Variants in HDAC7 observed in about 807,000 individuals in gnomAD.
HDAC7 encodes the protein histone deacetylase 7A.
In HDAC7, 26 loss-of-function variants were observed where a neutral mutation model predicts 115.5. The ratio of observed to expected loss-of-function variants is 0.23; its 90% CI spans 0.16 to 0.31. The LOEUF (loss-of-function observed/expected upper bound fraction) is 0.31. Among genes scored for constraint, HDAC7 ranks in the 10% least tolerant of loss-of-function variants. The probability of loss-of-function intolerance (pLI) is 1.00; values close to 1 mark genes in which losing one functional copy is unlikely to be tolerated. For synonymous variants in HDAC7, 564 were observed against 550.9 expected, an observed-to-expected ratio of 1.02 and a Z score of -0.33; for missense variants, 1,068 against 1,329.0, an observed-to-expected ratio of 0.80 and a Z score of 3.05.
Position 47,783,449 on chromosome 12 carries a change from A to T in HDAC7, c.*392T>A. 4.3e-6 allele frequency: 1 copy of T among 234,502 alleles called. No individual in the cohort carries two copies. The highest frequency in any genetic ancestry group is 6.3e-5 in the South Asian group (1 of 15,878). The allele number at this position is 234,502 out of a possible 1,614,324, so 14.5% of individuals were successfully genotyped here. A position where few individuals can be genotyped will look rare whatever the true frequency, so the allele number is the denominator to read the frequency against. On this transcript the variant is annotated 3_prime_UTR_variant, in exon 26 of 26. Coordinates refer to ENST00000080059, the MANE Select transcript of HDAC7 (RefSeq NM_015401.5). The stretch of plus-strand genomic sequence containing the variant: ...AGGCCAAGTTCACATTTCTGTGTGG[A>T]GCCTGAGGCTGTGTGCAAAGTCTGG...
Position 47,783,880 on chromosome 12 carries a change from C to T in HDAC7, c.2937G>A (p.Ser979=), listed in dbSNP as rs78089666. 5.7e-4 allele frequency: 915 copies of T among 1,612,498 alleles called. 4 individuals carry two copies. The African/African-American group carries it at 0.011, about 19-fold the overall frequency. ...SVGILAEDRP[S]EQLVEEEEPM... ...GTTCTTCCTCCTCCACCAGCTGCTC[C>T]GAGGGCCTGTGGGGAGGGACAAGGG... Residue 979 remains serine (S), a synonymous_variant, in exon 26 of 26, where the codon TCG becomes TCA. Coordinates refer to ENST00000080059, the MANE Select transcript of HDAC7 (RefSeq NM_015401.5).
At chr12:47,821,154 G>A (rs1945012566), upstream of HDAC7, among the ~76,000 whole-genome samples, 1 of 152,140 alleles carries the variant, frequency 6.6e-6, no homozygotes, top group African/African-American at 2.4e-5. Flanking sequence ...GAAACCCCAA[G>A]AATCCAGAGA....
At chr12:47,812,408 TTAA>T (rs369092982) in intron 1 of HDAC7, among the ~76,000 whole-genome samples, 99 of 152,322 alleles carry the variant, frequency 6.5e-4, no homozygotes, top group African/African-American at 2.4e-3. Context: ...AACAATAACA[TTAA>T]TAATGATGAT....
In HDAC7 at chr12:47,798,456, G is replaced by T; in HGVS notation, c.349+106C>A. 1 of 1,031,850 alleles carries T rather than the reference G, an allele frequency of 9.7e-7. No individual in the cohort carries two copies. The highest frequency in any genetic ancestry group is 1.5e-6 in the Non-Finnish European group (1 of 675,328). The allele number at this position is 1,031,850 out of a possible 1,614,324, so 63.9% of individuals were successfully genotyped here. A position where few individuals can be genotyped will look rare whatever the true frequency, so the allele number is the denominator to read the frequency against. On this transcript the variant is annotated intron_variant, in intron 4 of 25. Coordinates refer to ENST00000080059, the MANE Select transcript of HDAC7 (RefSeq NM_015401.5). This position sits in a 1 kb window ranked among gnomAD's most constrained non-coding sequence, Gnocchi z 4.3. ...AAGCAGAGGGAAAGCCTCGGCTCAG[G>T]CCCAGCTGGCTGCGGCCCTCCCACC...
intron 1 of HDAC7, chr12:47,813,003 C>G (rs1232363711): frequency 6.6e-6 from 1 of 152,242 alleles, no homozygotes; most frequent in Admixed American, 6.5e-5. Flanking sequence ...GGTGCTGCGC[C>G]AGCACCTCCT....
intron 1 of HDAC7, among the ~76,000 whole-genome samples, chr12:47,818,232 C>T (rs1944905527): frequency 6.6e-6 from 1 of 152,236 alleles, no homozygotes; most frequent in African/African-American, 2.4e-5. Context: ...GCACCAGGAC[C>T]ATTCCAGGTG....
At chr12:47,819,187 C>T (rs1944940517) in intron 1 of HDAC7, 1 of 152,382 alleles carries the variant, frequency 6.6e-6, no homozygotes, top group African/African-American at 2.4e-5. Context: ...GAGAAACCTC[C>T]CAGCCAGAGA....
chr12:47,792,973 G>A (rs1293374705), intron 13 of HDAC7: 5 of 270,938 alleles, frequency 1.8e-5, no homozygotes, highest in African/African-American at 4.4e-5. Flanking sequence ...TGGGTGGTGG[G>A]ATACTGGTTG....
chr12:47,791,133 C>T, intron 16 of HDAC7, 126 bp downstream of exon 16: 2 of 945,650 alleles, frequency 2.1e-6, no homozygotes, highest in South Asian at 1.4e-5. Flanking sequence ...CAGGAAGTCC[C>T]TGGCTCACCC....
rs779766353 is a variant in HDAC7, at chr12:47,798,595, G to C, written c.316C>G (p.Arg106Gly). Reference sequence around the variant, plus strand: ...CTCTTGTCCTTGTGGAGAAGCTGCCGCAGCTCTTGTTCCTGGGGTCCCACC... The same window carrying C: ...CTCTTGTCCTTGTGGAGAAGCTGCCCCAGCTCTTGTTCCTGGGGTCCCACC... Reference protein sequence around the residue: ...LQVGPQEQELRQLLHKDKSKR... With the variant: ...LQVGPQEQELGQLLHKDKSKR... Residue 106 changes from arginine to glycine, a missense_variant, in exon 4 of 26, where the codon CGG becomes GGG. Physicochemically the swap from Arg to Gly is moderately radical, Grantham distance 125. Around this residue, in one of 6 missense-constraint regions of HDAC7, gnomAD observed 161 missense variants for 158.5 expected, o/e 1.02. Coordinates refer to ENST00000080059, the MANE Select transcript of HDAC7 (RefSeq NM_015401.5). The surrounding 1 kb of genome is among the most constrained non-coding windows in gnomAD (Gnocchi z 4.3). The C allele has an allele frequency of 1.4e-5, 22 of 1,613,904 alleles. No individual in the cohort carries two copies. The highest frequency in any genetic ancestry group is 1.9e-5 in the Non-Finnish European group (22 of 1,179,938).
chr12:47,800,228 A>G (rs1049506108), intron 2 of HDAC7, among the ~76,000 whole-genome samples: 1 of 152,146 alleles, frequency 6.6e-6, no homozygotes, highest in African/African-American at 2.4e-5. Flanking sequence ...TCGGAGGTGA[A>G]GGGCCCTGTC....
rs1190498488 is a variant in HDAC7, at chr12:47,802,589, G to A, written c.20-315C>T. ...CAGTGCCCTCAGCCCTCCCTCCTGTGGTCAGATACAATCTTCCCTGGGCAG... is the reference window on the plus strand; with the variant it reads ...CAGTGCCCTCAGCCCTCCCTCCTGTAGTCAGATACAATCTTCCCTGGGCAG... On this transcript the variant is annotated intron_variant, in intron 1 of 25. Coordinates refer to ENST00000080059, the MANE Select transcript of HDAC7 (RefSeq NM_015401.5). The A allele has an allele frequency of 1.1e-5, 11 of 979,060 alleles. No homozygotes were observed. The Admixed American group carries it at 1.9e-4, about 17-fold the overall frequency. 60.6% of individuals were successfully genotyped at this position (979,060 alleles called of 1,614,324 possible).
chr12:47,790,227 G>A (rs1425503411), intron 16 of HDAC7: 5 of 366,436 alleles, frequency 1.4e-5, no homozygotes, highest in African/African-American at 1.0e-4. Context: ...TTGGGGTTTG[G>A]GCCGGGAGGG....
In HDAC7 at chr12:47,791,892, C is replaced by G. The variant is rs1943548496; in HGVS notation, c.1791G>C (p.Arg597=). The change falls in exon 14 of 26, where the codon CGG becomes CGC. Residue 597 remains arginine, a synonymous_variant. Transcript: ENST00000080059. ...IQSIWSRLQE[R]GLRSQCECLR... The stretch of plus-strand genomic sequence containing the variant: ...TCACCTCACACTGGCTCCGGAGCCC[C>G]CGCTCCTGCAGCCGGGACCAGATGC... 1.2e-6 allele frequency: 2 copies of G among 1,611,276 alleles called. No individual in the cohort carries two copies. Among genetic ancestry groups the G allele is most frequent in the Non-Finnish European group, 1.7e-6 (2 of 1,179,454 alleles).
Position 47,797,091 on chromosome 12 carries a change from C to G in HDAC7, c.629G>C (p.Arg210Pro), listed in dbSNP as rs756918861. The G allele has an allele frequency of 6.2e-7, 1 of 1,608,910 alleles. No homozygotes were observed. The highest frequency in any genetic ancestry group is 8.5e-7 in the Non-Finnish European group (1 of 1,177,670). The change falls in exon 7 of 26, where the codon CGG (arginine) becomes CCG (proline). Residue 210 changes from arginine (R) to proline (P), a missense_variant. By Grantham distance (103) the Arg-to-Pro change is moderately radical. Transcript: ENST00000080059. The surrounding 1 kb of genome is among the most constrained non-coding windows in gnomAD (Gnocchi z 5.5). Reference protein sequence around the residue: ...LRYKPKKSLERRKNPLLRKES... With the variant: ...LRYKPKKSLEPRKNPLLRKES... Reference sequence around the variant, plus strand: ...CTTTCGGAGCAGTGGATTCTTCCTCCGCTCCAGGGACTTCTTGGGCTTATA... The same window carrying G: ...CTTTCGGAGCAGTGGATTCTTCCTCGGCTCCAGGGACTTCTTGGGCTTATA...
chr12:47,796,374 A>G (rs1180627915), intron 7 of HDAC7, 76 bp from the exon 8 acceptor site: 1 of 1,029,292 alleles, frequency 9.7e-7, no homozygotes, highest in East Asian at 2.5e-5. Context: ...CGCCTGGTGC[A>G]GGAGACCCGG....
Position 47,788,991 on chromosome 12 carries a change from A to G in HDAC7, c.2235+270T>C, listed in dbSNP as rs777874248. The G allele has an allele frequency of 1.3e-4, 57 of 452,178 alleles. 1 individual carries two copies. Among genetic ancestry groups the G allele is most frequent in the Non-Finnish European group, 1.5e-4 (38 of 252,562 alleles). 28.0% of individuals were successfully genotyped at this position (452,178 alleles called of 1,614,324 possible). On this transcript the variant is annotated intron_variant, in intron 19 of 25. Coordinates refer to ENST00000080059, the MANE Select transcript of HDAC7 (RefSeq NM_015401.5). ...CAGAAATTACTAGATCTGCCAAAAG[A>G]AGCCAATAGAGGTCAAAAGACAACA...
At chr12:47,818,499 G>A (rs1944912509) in intron 1 of HDAC7, among the ~76,000 whole-genome samples, 1 of 152,236 alleles carries the variant, frequency 6.6e-6, no homozygotes, top group African/African-American at 2.4e-5. Context: ...TCCTGGGAGG[G>A]GGAAAGGGCC....
intron 15 of HDAC7, 110 bp from the exon 16 acceptor site, chr12:47,791,418 A>G (rs1565800631): frequency 7.3e-7 from 1 of 1,376,302 alleles, no homozygotes; most frequent in Non-Finnish European, 9.9e-7. Flanking sequence ...GGAGAGAAAT[A>G]TGGAAGGGAG....
Sources: gnomAD v4.1 joint callset for allele counts (sites outside exome capture counted in the v4.1 genomes callset) on GRCh38, gnomAD v4.1.1 for gene constraint, gnomAD v4.1.1 regional missense constraint, Gnocchi (gnomAD v3.1) non-coding constraint, MANE v1.5 for transcripts, NCBI Gene and HGNC (gene_info 2026-07-23, HGNC 2026-07-21) for gene names.